Variants in USP32 observed in about 807,000 individuals in gnomAD.
The protein encoded by USP32 is ubiquitin carboxyl-terminal hydrolase 32.
In USP32, 59 loss-of-function variants were observed where a neutral mutation model predicts 204.8. The ratio of observed to expected loss-of-function variants is 0.29; its 90% confidence interval spans 0.23 to 0.36. USP32 has a LOEUF of 0.36. USP32 is among the 10% of genes least tolerant of loss of function. The probability of loss-of-function intolerance (pLI) is 1.00; values close to 1 mark genes in which losing one functional copy is unlikely to be tolerated. For synonymous variants in USP32, 517 were observed against 678.4 expected (o/e 0.76, Z 3.70); for missense variants, 1,160 against 1,946.4 (o/e 0.60, Z 7.60).
At chr17:60,350,022 T>G (rs1034098215) in intron 1 of USP32, among the ~76,000 whole-genome samples, 1 of 151,596 alleles carries the variant, frequency 6.6e-6, no homozygotes, top group Non-Finnish European at 1.5e-5. Context: ...TTTGTTTTTT[T>G]TTTTATTTTG....
intron 9 of USP32, among the ~76,000 whole-genome samples, chr17:60,259,889 T>C (rs1368183172): frequency 6.6e-6 from 1 of 152,220 alleles, no homozygotes; most frequent in East Asian, 1.9e-4. Flanking sequence ...GCTTGGGGTC[T>C]TTATTTAGAA....
intron 2 of USP32, among the ~76,000 whole-genome samples, chr17:60,324,293 T>C (rs1411130799): frequency 6.7e-6 from 1 of 150,006 alleles, no homozygotes; most frequent in African/African-American, 2.4e-5. Flanking sequence ...AATATATATA[T>C]ATATATATAT....
At chr17:60,362,608 C>T (rs373128009) in intron 1 of USP32, among the ~76,000 whole-genome samples, 1 of 152,232 alleles carries the variant, frequency 6.6e-6, no homozygotes, top group East Asian at 1.9e-4. Context: ...AGAGAATGTC[C>T]TTAAGTATTC....
intron 1 of USP32, among the ~76,000 whole-genome samples, chr17:60,414,325 T>C (rs2090043346): frequency 6.6e-6 from 1 of 150,732 alleles, no homozygotes; most frequent in East Asian, 2.0e-4. Flanking sequence ...ATCATGCCAC[T>C]GCACTCCAGC....
At chr17:60,391,746 C>T (rs1478349658) in intron 1 of USP32, 136 bp downstream of exon 1, 1 of 956,324 alleles carries the variant, frequency 1.0e-6, no homozygotes, top group Admixed American at 2.7e-5. Context: ...CACCACACTC[C>T]CCAAGGCCGG....
At chr17:60,357,660 T>C (rs1487438369) in intron 1 of USP32, among the ~76,000 whole-genome samples, 1 of 152,222 alleles carries the variant, frequency 6.6e-6, no homozygotes, top group Non-Finnish European at 1.5e-5. Context: ...AAGTGATTAA[T>C]AGTAGTTAAT....
rs776928308 is a variant in USP32, at chr17:60,294,725, C to T, written c.369G>A (p.Val123=). Residue 123 remains valine (V), a synonymous_variant, in exon 4 of 34, where the codon GTG becomes GTA. Coordinates refer to ENST00000300896, the MANE Select transcript of USP32 (RefSeq NM_032582.4). ...TGAGTGTATCTGGGACTTTACCATC[C>T]ACCACGTGGAGCATTCTTTCCATTT... The part of the protein sequence containing the change: ...REEMERMLHV[V]DGKVPDTLRK... 3 of 1,612,584 alleles carry T rather than the reference C, an allele frequency of 1.9e-6. No individual in the cohort carries two copies. Among genetic ancestry groups the T allele is most frequent in the Non-Finnish European group, 2.5e-6 (3 of 1,179,094 alleles).
At chr17:60,187,740 T>A (rs1409652267) in intron 29 of USP32, among the ~76,000 whole-genome samples, 1 of 152,212 alleles carries the variant, frequency 6.6e-6, no homozygotes, top group African/African-American at 2.4e-5. Context: ...TAATTTCTAT[T>A]TATCAGTAAA....
intron 29 of USP32, among the ~76,000 whole-genome samples, chr17:60,190,000 G>A (rs1242166612): frequency 6.6e-6 from 1 of 152,218 alleles, no homozygotes; most frequent in African/African-American, 2.4e-5. Flanking sequence ...GATTCCCAAT[G>A]TGGCGTTGTT....
intron 11 of USP32, among the ~76,000 whole-genome samples, chr17:60,238,127 C>A (rs1366143604): frequency 6.6e-6 from 1 of 152,126 alleles, no homozygotes; most frequent in East Asian, 1.9e-4. Context: ...ATTGTTTTGA[C>A]TTGCATTTCC....
chr17:60,187,696 T>C (rs1459688887), intron 29 of USP32, among the ~76,000 whole-genome samples: 1 of 152,252 alleles, frequency 6.6e-6, no homozygotes, highest in African/African-American at 2.4e-5. Context: ...GAAAGAAGGC[T>C]GATAAAAAAC....
intron 9 of USP32, among the ~76,000 whole-genome samples, chr17:60,262,168 T>C (rs1439232238): frequency 1.3e-5 from 2 of 152,122 alleles, no homozygotes; most frequent in Non-Finnish European, 2.9e-5. Flanking sequence ...ATATGGCTTA[T>C]TTATTTTGTT....
intron 26 of USP32, among the ~76,000 whole-genome samples, chr17:60,204,726 C>A (rs1435683870): frequency 6.6e-6 from 1 of 152,078 alleles, no homozygotes; most frequent in Non-Finnish European, 1.5e-5. Context: ...GCTTCAGCCT[C>A]CCAAAGTGCT....
Position 60,347,828 on chromosome 17 carries a change from A to G in USP32, c.59-2220T>C, listed in dbSNP as rs151173705. 7.1e-4 allele frequency among the ~76,000 whole-genome samples: 107 copies of G among 151,730 alleles called. 1 individual carries two copies. Among genetic ancestry groups the G allele is most frequent in the Middle Eastern group, 3.4e-3 (1 of 294 alleles). On this transcript the variant is annotated intron_variant, in intron 1 of 33. Transcript: ENST00000300896. ...TATTATGTAGACAGAGAATGTAAGA[A>G]TAAGTCAGGAAAGGCTGGGCGCAGT...
chr17:60,416,779 A>G (rs1238602326), intron 1 of USP32, among the ~76,000 whole-genome samples: 1 of 152,174 alleles, frequency 6.6e-6, no homozygotes, highest in African/African-American at 2.4e-5. Context: ...GTTTGGGATT[A>G]GGGAACAGGA....
intron 26 of USP32, among the ~76,000 whole-genome samples, chr17:60,200,508 T>C (rs1455610501): frequency 6.6e-6 from 1 of 150,626 alleles, no homozygotes; most frequent in Admixed American, 6.6e-5. Context: ...TGCAGTGAGT[T>C]GAGGGCCTGC....
At chr17:60,340,537 T>A (rs1350084931) in intron 2 of USP32, among the ~76,000 whole-genome samples, 2 of 152,224 alleles carry the variant, frequency 1.3e-5, no homozygotes, top group African/African-American at 4.8e-5. Context: ...TCTTTCTCCA[T>A]CCCTTTATTT....
At position 60,241,672 on chromosome 17, in the gene USP32, T is replaced by C. The variant is rs535727134; in HGVS notation, c.1137-5432A>G. Among the ~76,000 whole-genome samples the C allele has an allele frequency of 2.7e-3, 418 of 152,330 alleles. 1 individual carries two copies. The highest frequency in any genetic ancestry group is 4.7e-3 in the Non-Finnish European group (317 of 68,030). On this transcript the variant is annotated intron_variant, in intron 11 of 33. Coordinates refer to ENST00000300896, the MANE Select transcript of USP32 (RefSeq NM_032582.4). Reference sequence around the variant, plus strand: ...ACATCTTGTCATGTACTTACATGTATGGTTAAGAGTCTATTCAACTCTTTT... The same window carrying C: ...ACATCTTGTCATGTACTTACATGTACGGTTAAGAGTCTATTCAACTCTTTT...
Position 60,247,462 on chromosome 17 carries a change from G to A in USP32, c.1136+4919C>T, listed in dbSNP as rs142276303. 4.9e-4 allele frequency among the ~76,000 whole-genome samples: 75 copies of A among 152,284 alleles called. No individual in the cohort carries two copies. In the East Asian group the frequency reaches 0.012, roughly 25 times the overall value. Reference sequence around the variant, plus strand: ...CCCAAAGTGCTGGGATTACAGGCATGAGCCACCTCGCCCAGCCTCTTTAAT... The same window carrying A: ...CCCAAAGTGCTGGGATTACAGGCATAAGCCACCTCGCCCAGCCTCTTTAAT... On this transcript the variant is annotated intron_variant, in intron 11 of 33. Transcript: ENST00000300896.
Sources: gnomAD v4.1 joint callset for allele counts (sites outside exome capture counted in the v4.1 genomes callset) on GRCh38, gnomAD v4.1.1 for gene constraint, MANE v1.5 for transcripts, NCBI Gene and HGNC (gene_info 2026-07-23, HGNC 2026-07-21) for gene names.